ESYT2: variants seen among roughly 807,000 people sequenced by gnomAD.
ESYT2 encodes extended synaptotagmin-2.
In ESYT2, 54 loss-of-function variants were observed where a neutral mutation model predicts 107.2. The ratio of observed to expected loss-of-function variants is 0.50; its 90% CI spans 0.40 to 0.63. ESYT2 has a LOEUF of 0.63. ESYT2 is among the 30% of genes least tolerant of loss of function. The probability of loss-of-function intolerance (pLI) is 0.00; values close to 1 mark genes in which losing one functional copy is unlikely to be tolerated. For missense variants in ESYT2, 1,020 were observed against 1,094.5 expected (o/e 0.93, Z 0.96); for synonymous variants, 491 against 434.1 (o/e 1.13, Z -1.63).
In ESYT2 at chr7:158,741,864, T is replaced by G. The variant is rs537590444; in HGVS notation, c.1827A>C (p.Pro609=). Residue 609 remains proline, a synonymous_variant, in exon 18 of 23, where the codon CCA becomes CCC. Transcript: ENST00000275418. ...TGACTTGAGCTGAGTGTTGGTGGTCTGGAGGCCTTTCTCGCTTTTCGAGAT... is the reference window on the plus strand; with the variant it reads ...TGACTTGAGCTGAGTGTTGGTGGTCGGGAGGCCTTTCTCGCTTTTCGAGAT... ...VLHLEKRERP[P]DHQHSAQVKR... The G allele has an allele frequency of 7.5e-6, 12 of 1,609,898 alleles. No individual in the cohort carries two copies. Among genetic ancestry groups the G allele is most frequent in the Non-Finnish European group, 1.0e-5 (12 of 1,178,470 alleles).
At chr7:158,774,232 T>G (rs976227636) in intron 6 of ESYT2, among the ~76,000 whole-genome samples, 1 of 152,214 alleles carries the variant, frequency 6.6e-6, no homozygotes, top group African/African-American at 2.4e-5. Context: ...CCTTTTTGGT[T>G]GCAAGCAAAT....
chr7:158,757,550 C>T lies in ESYT2; in HGVS notation c.1419+1936G>A, dbSNP rs1008268770. The stretch of plus-strand genomic sequence containing the variant: ...CCAAAGGATCCCAGAGCTCGCGGGA[C>T]GCCCCTTAATCCAGCGCCAAAGGAT... On this transcript the variant is annotated intron_variant, in intron 13 of 22. Transcript: ENST00000275418. 3.3e-5 allele frequency among the ~76,000 whole-genome samples: 5 copies of T among 151,588 alleles called. No homozygotes were observed. The South Asian group carries it at 8.3e-4, about 25-fold the overall frequency.
At chr7:158,809,901 T>C (rs950214574) in intron 1 of ESYT2, among the ~76,000 whole-genome samples, 1 of 152,244 alleles carries the variant, frequency 6.6e-6, no homozygotes, top group Non-Finnish European at 1.5e-5. Context: ...TAAATCTTCT[T>C]CCACTACATG....
intron 10 of ESYT2, among the ~76,000 whole-genome samples, chr7:158,762,483 A>ACAT (rs1314653229): frequency 3.3e-5 from 5 of 152,210 alleles, no homozygotes; most frequent in Non-Finnish European, 7.3e-5. Context: ...TTCTATCCCT[A>ACAT]CATCTTTTTT....
intron 7 of ESYT2, 81 bp downstream of exon 7, chr7:158,773,260 T>G: frequency 6.7e-7 from 1 of 1,498,216 alleles, no homozygotes; most frequent in Non-Finnish European, 9.3e-7. Context: ...GTCTTAACCA[T>G]TCTCACACTA....
intron 1 of ESYT2, among the ~76,000 whole-genome samples, chr7:158,815,269 G>A (rs1381770995): frequency 1.3e-5 from 2 of 152,180 alleles, no homozygotes; most frequent in African/African-American, 4.8e-5. Context: ...CTGCTGTTGG[G>A]CTGAGTCCTC....
rs558364775 is a variant in ESYT2 at position 158,753,071 on chromosome 7, T to A, written c.1420-228A>T. Among the ~76,000 whole-genome samples, 87 of 152,336 alleles carry A rather than the reference T, an allele frequency of 5.7e-4. 1 individual carries two copies. The highest frequency in any genetic ancestry group is 2.0e-3 in the African/African-American group (83 of 41,578). ...ATGCATATCAAAAGACAGCTCCTTATCCCCTATGATTAATATTCTTTTACT... is the reference window on the plus strand; with the variant it reads ...ATGCATATCAAAAGACAGCTCCTTAACCCCTATGATTAATATTCTTTTACT... On this transcript the variant is annotated intron_variant, in intron 13 of 22. Coordinates refer to ENST00000275418, the MANE Select transcript of ESYT2 (RefSeq NM_001367773.1).
At chr7:158,765,655 G>A (rs551465466) in intron 8 of ESYT2, among the ~76,000 whole-genome samples, 4 of 152,220 alleles carry the variant, frequency 2.6e-5, no homozygotes, top group African/African-American at 9.6e-5. Context: ...AGAATCCCTT[G>A]AACCCAGGAG....
At chr7:158,765,591 C>T (rs1216408936) in intron 8 of ESYT2, among the ~76,000 whole-genome samples, 1 of 151,924 alleles carries the variant, frequency 6.6e-6, no homozygotes, top group Non-Finnish European at 1.5e-5. Context: ...AAAAATTTAG[C>T]CAGGCATGGT....
rs368881936 is a variant in ESYT2 at position 158,828,700 on chromosome 7, C to G, written c.330+389G>C. On this transcript the variant is annotated intron_variant, in intron 1 of 22. Transcript: ENST00000275418. ...GCACTCAGGACTAGGGCGGGAGCGGCGAGCAGCGGGCGGCGGCCCCAGGCG... is the reference window on the plus strand; with the variant it reads ...GCACTCAGGACTAGGGCGGGAGCGGGGAGCAGCGGGCGGCGGCCCCAGGCG... Among the ~76,000 whole-genome samples, 183 of 152,234 alleles carry G rather than the reference C, an allele frequency of 1.2e-3. 1 individual carries two copies. Among genetic ancestry groups the G allele is most frequent in the African/African-American group, 4.2e-3 (176 of 41,552 alleles).
At chr7:158,828,181 C>T (rs1327367710) in intron 1 of ESYT2, among the ~76,000 whole-genome samples, 3 of 152,270 alleles carry the variant, frequency 2.0e-5, no homozygotes, top group Non-Finnish European at 4.4e-5. Flanking sequence ...GAGACACTTA[C>T]TGCCCTTGAA....
intron 19 of ESYT2, among the ~76,000 whole-genome samples, chr7:158,737,386 C>A (rs747838149): frequency 1.4e-4 from 21 of 152,298 alleles, no homozygotes; most frequent in Middle Eastern, 3.4e-3. Context: ...GCTTTCTCAG[C>A]AGCGACTTCG....
At position 158,741,808 on chromosome 7, in the gene ESYT2, T is replaced by C; in HGVS notation, c.1883A>G (p.Lys628Arg). ...KRPSVSKEGR[K>R]TSIKSHMSGS... ...AGACATATGAGATTTGATGGATGTT[T>C]TCCTCCCCTCTTTGGACACAGAGGG... is the stretch of plus-strand genomic sequence containing the variant. The change falls in exon 18 of 23, where the codon AAA becomes AGA. Residue 628 changes from lysine to arginine, a missense_variant. Transcript: ENST00000275418. 5.0e-6 allele frequency: 8 copies of C among 1,614,072 alleles called. No individual in the cohort carries two copies. Among genetic ancestry groups the C allele is most frequent in the Non-Finnish European group, 6.8e-6 (8 of 1,180,000 alleles).
At chr7:158,807,351 G>A (rs2129473861) in intron 1 of ESYT2, among the ~76,000 whole-genome samples, 1 of 151,548 alleles carries the variant, frequency 6.6e-6, no homozygotes, top group East Asian at 1.9e-4. Context: ...ATTTATCTGT[G>A]AATTTTACAT....
At chr7:158,769,301 G>A (rs1448472593) in intron 7 of ESYT2, among the ~76,000 whole-genome samples, 1 of 152,202 alleles carries the variant, frequency 6.6e-6, no homozygotes, top group East Asian at 1.9e-4. Flanking sequence ...AGATTCGGAG[G>A]GCTTCAGCCA....
intron 9 of ESYT2, among the ~76,000 whole-genome samples, chr7:158,763,455 C>T (rs541691004): frequency 5.9e-5 from 9 of 152,076 alleles, no homozygotes; most frequent in South Asian, 2.1e-4. Context: ...CCACCATGCC[C>T]GGCTAATTTC....
rs117302580 is a variant in ESYT2 at position 158,819,505 on chromosome 7, T to C, written c.330+9584A>G. 1.0e-3 allele frequency among the ~76,000 whole-genome samples: 152 copies of C among 152,334 alleles called. No homozygotes were observed. The East Asian group carries it at 0.027, about 27-fold the overall frequency. On this transcript the variant is annotated intron_variant, in intron 1 of 22. Transcript: ENST00000275418. Reference sequence around the variant, plus strand: ...ATACTGCAATAGTCAAAGTCATATTTCTGAAGAATAACATACTATCCATAA... The same window carrying C: ...ATACTGCAATAGTCAAAGTCATATTCCTGAAGAATAACATACTATCCATAA...
chr7:158,808,562 G>A (rs1465196326), intron 1 of ESYT2, among the ~76,000 whole-genome samples: 1 of 152,214 alleles, frequency 6.6e-6, no homozygotes, highest in African/African-American at 2.4e-5. Context: ...TAAGATGTAA[G>A]AACGAATCTT....
chr7:158,782,035 G>A (rs975306530), intron 6 of ESYT2, among the ~76,000 whole-genome samples: 2 of 151,128 alleles, frequency 1.3e-5, no homozygotes, highest in Non-Finnish European at 2.9e-5. Context: ...GTAAGTGCAA[G>A]AACGAGAACA....
Sources: gnomAD v4.1 joint callset for allele counts (sites outside exome capture counted in the v4.1 genomes callset) on GRCh38, gnomAD v4.1.1 for gene constraint, MANE v1.5 for transcripts, NCBI Gene and HGNC (gene_info 2026-07-23, HGNC 2026-07-21) for gene names.